ENG: variants seen among roughly 807,000 people sequenced by gnomAD.
ENG encodes the protein endoglin, also known as CD105 antigen.
Under a neutral mutation model 71.0 loss-of-function variants are expected in ENG, and 17 were observed. That is an observed-to-expected ratio of 0.24 (90% confidence interval 0.16 to 0.36). ENG has a LOEUF of 0.36. ENG is among the 10% of genes least tolerant of loss of function. The probability of loss-of-function intolerance (pLI) is 1.00; values close to 1 mark genes in which losing one functional copy is unlikely to be tolerated. For missense variants in ENG, 749 were observed against 868.3 expected (o/e 0.86, Z 1.73); for synonymous variants, 360 against 366.9 (o/e 0.98, Z 0.21).
chr9:127,823,144 T>A (rs1830509056), intron 8 of ENG, among the ~76,000 whole-genome samples: 1 of 151,818 alleles, frequency 6.6e-6, no homozygotes, highest in African/African-American at 2.4e-5. Context: ...CTGGCCAGCA[T>A]GTGTTCTTTC....
intron 2 of ENG, among the ~76,000 whole-genome samples, chr9:127,839,884 T>C (rs1310680621): frequency 1.3e-5 from 2 of 152,106 alleles, no homozygotes; most frequent in African/African-American, 4.8e-5. Context: ...GCAATAACCA[T>C]TGAGGTTCAA....
At chr9:127,829,604 G>A in intron 3 of ENG, 83 bp downstream of exon 3, 5 of 1,575,308 alleles carry the variant, frequency 3.2e-6, no homozygotes, top group Non-Finnish European at 4.3e-6. Context: ...CCGCTGGGGT[G>A]GGAGACCCTG....
chr9:127,817,816 A>G, intron 12 of ENG: 1 of 519,210 alleles, frequency 1.9e-6, no homozygotes, highest in Non-Finnish European at 3.5e-6. Context: ...GCGGGTGGTT[A>G]GATTCCTGGG....
At chr9:127,826,772 G>T in intron 3 of ENG, 100 bp from the exon 4 acceptor site, 1 of 1,490,066 alleles carries the variant, frequency 6.7e-7, no homozygotes, top group Non-Finnish European at 9.1e-7. Context: ...CAGCCCATTG[G>T]CTGAGAGAAA....
At chr9:127,851,133 T>C (rs1222581886) in intron 1 of ENG, among the ~76,000 whole-genome samples, 2 of 152,204 alleles carry the variant, frequency 1.3e-5, no homozygotes, top group Non-Finnish European at 2.9e-5. Context: ...GGTGATTTTT[T>C]CCCTTTTCTC....
intron 2 of ENG, among the ~76,000 whole-genome samples, chr9:127,835,953 G>A (rs772600320): frequency 3.3e-5 from 5 of 152,186 alleles, no homozygotes; most frequent in Non-Finnish European, 7.3e-5. Context: ...GGTAGGAGGT[G>A]GGGGCAAGTG....
chr9:127,837,509 G>A (rs1830927056), intron 2 of ENG, among the ~76,000 whole-genome samples: 1 of 152,106 alleles, frequency 6.6e-6, no homozygotes, highest in African/African-American at 2.4e-5. Flanking sequence ...CAACTCATTT[G>A]CCTGTCTGAG....
chr9:127,850,991 G>A (rs955604734), intron 1 of ENG, among the ~76,000 whole-genome samples: 1 of 152,046 alleles, frequency 6.6e-6, no homozygotes, highest in Non-Finnish European at 1.5e-5. Context: ...GACCTGGTTC[G>A]AAAGAAATAG....
chr9:127,815,521 A>G lies in ENG; in HGVS notation c.*161T>C. The G allele has an allele frequency of 7.3e-7, 1 of 1,369,246 alleles. No individual in the cohort carries two copies. The highest frequency in any genetic ancestry group is 9.6e-7 in the Non-Finnish European group (1 of 1,036,724). 84.8% of individuals were successfully genotyped at this position (1,369,246 alleles called of 1,614,324 possible). ...CAAGGTGTTCCAAGCCAGTGGCTGCACTGGCAGCAGGCCTCTGAGAGGGAG... is the reference window on the plus strand; with the variant it reads ...CAAGGTGTTCCAAGCCAGTGGCTGCGCTGGCAGCAGGCCTCTGAGAGGGAG... On this transcript the variant is annotated 3_prime_UTR_variant, in exon 15 of 15. Transcript: ENST00000373203.
At chr9:127,847,372 G>A (rs964237545) in intron 1 of ENG, among the ~76,000 whole-genome samples, 5 of 152,162 alleles carry the variant, frequency 3.3e-5, no homozygotes, top group African/African-American at 1.2e-4. Flanking sequence ...CCTGTTGAGT[G>A]CCTGGTACTA....
At chr9:127,843,435 G>A (rs915128961) in intron 1 of ENG, among the ~76,000 whole-genome samples, 190 bp from the exon 2 acceptor site, 2 of 151,638 alleles carry the variant, frequency 1.3e-5, no homozygotes, top group African/African-American at 4.9e-5. Context: ...GAGAGGAAAC[G>A]TCTCCTGCCC....
rs1454151609 is a variant in ENG at position 127,828,258 on chromosome 9, AT to A, written c.360+1428del. On this transcript the variant is annotated intron_variant, in intron 3 of 14. Transcript: ENST00000373203. ...TTGGGTGAGGAACCCAGCCCGCGGA[AT>A]GGGAAAGGGCTGGGACACTGGCTTT... Among the ~76,000 whole-genome samples, 5 of 152,178 alleles carry A rather than the reference AT, an allele frequency of 3.3e-5. No homozygotes were observed. In the South Asian group the frequency reaches 8.3e-4, roughly 25 times the overall value.
Position 127,840,045 on chromosome 9 carries a change from C to A in ENG, c.219+3049G>T, listed in dbSNP as rs560439643. ...GAGCCGTCACTCCAGGCAGGTCCTG[C>A]GCTTGGTGTTTTGCTTGCACCGTCC... On this transcript the variant is annotated intron_variant, in intron 2 of 14. Transcript: ENST00000373203. Among the ~76,000 whole-genome samples the A allele has an allele frequency of 3.3e-5, 5 of 152,374 alleles. No homozygotes were observed. The South Asian group carries it at 1.0e-3, about 32-fold the overall frequency.
Position 127,825,317 on chromosome 9 carries a change from G to C in ENG, c.730C>G (p.Pro244Ala). Residue 244 changes from proline to alanine, a missense_variant, in exon 6 of 15, where the codon CCC becomes GCC. Physicochemically the swap from Pro to Ala is conservative, Grantham distance 27 (BLOSUM62 -1). Transcript: ENST00000373203. ...ATGAGGACGGCATCGAGATCCCCGG[G>C]TGCGCAGCTCAGTTCCACCTTCACC... is the stretch of plus-strand genomic sequence containing the variant. ...VTVKVELSCA[P>A]GDLDAVLILQ... 6.2e-7 allele frequency: 1 copy of C among 1,611,362 alleles called. No individual in the cohort carries two copies. Among genetic ancestry groups the C allele is most frequent in the Non-Finnish European group, 8.5e-7 (1 of 1,179,576 alleles).
In ENG at chr9:127,816,052, A is replaced by C. The variant is rs1419683158; in HGVS notation, c.1743T>G (p.Gly581=). 1 of 1,609,338 alleles carries C rather than the reference A, an allele frequency of 6.2e-7. No individual in the cohort carries two copies. Among genetic ancestry groups the C allele is most frequent in the East Asian group, 2.2e-5 (1 of 44,786 alleles). ...GCAGGACGAGGCCTTTGCTTGTGCA[A>C]CCTAGAGAGGGCCGACGCCATCAGC... ...RLNIISPDLS[G]CTSKGLVLPA... is the part of the protein sequence containing the mutation. Residue 581 remains glycine, a splice_region_variant and synonymous_variant, in exon 14 of 15, where the codon GGT becomes GGG. Transcript: ENST00000373203.
intron 2 of ENG, among the ~76,000 whole-genome samples, chr9:127,830,046 G>A (rs1444584797): frequency 6.6e-6 from 1 of 151,892 alleles, no homozygotes; most frequent in African/African-American, 2.4e-5. Context: ...AATCTGAAGA[G>A]AGAAAAAAAA....
At chr9:127,849,410 T>A (rs1440641200) in intron 1 of ENG, among the ~76,000 whole-genome samples, 7 of 152,196 alleles carry the variant, frequency 4.6e-5, no homozygotes, top group Non-Finnish European at 1.5e-5. Context: ...ACCACAAACA[T>A]CCATTTGTGG....
chr9:127,842,777 G>A (rs1385871256), intron 2 of ENG, among the ~76,000 whole-genome samples: 1 of 152,194 alleles, frequency 6.6e-6, no homozygotes, highest in Non-Finnish European at 1.5e-5. Flanking sequence ...ATTCTTCTGA[G>A]ATTCTGTGAG....
intron 1 of ENG, among the ~76,000 whole-genome samples, chr9:127,853,433 G>A (rs1215917511): frequency 6.6e-6 from 1 of 152,204 alleles, no homozygotes; most frequent in African/African-American, 2.4e-5. Context: ...CGAGGGATAG[G>A]GAGTGGGACA....
Sources: gnomAD v4.1 joint callset for allele counts (sites outside exome capture counted in the v4.1 genomes callset) on GRCh38, gnomAD v4.1.1 for gene constraint, MANE v1.5 for transcripts, NCBI Gene and HGNC (gene_info 2026-07-23, HGNC 2026-07-21) for gene names.